The following CCDC83 variants were observed in gnomAD, a reference collection of about 807,000 sequenced individuals.
The protein encoded by CCDC83 is coiled-coil domain-containing protein 83.
Under a neutral mutation model 50.1 loss-of-function variants are expected in CCDC83, and 54 were observed. The ratio of observed to expected loss-of-function variants is 1.08; its 90% confidence interval spans 0.87 to 1.35. The LOEUF (loss-of-function observed/expected upper bound fraction) is 1.35. Among genes scored for constraint, CCDC83 ranks in the 40% most tolerant of loss-of-function variants. The pLI, the probability that CCDC83 is intolerant of heterozygous loss-of-function variation, is 0.00. For synonymous variants in CCDC83, 161 were observed against 153.3 expected, an observed-to-expected ratio of 1.05 and a Z score of -0.37; for missense variants, 518 against 473.9, an observed-to-expected ratio of 1.09 and a Z score of -0.86.
At chr11:85,880,327 A>C (rs11234458) in intron 3 of CCDC83, among the ~76,000 whole-genome samples, 32,133 of 151,944 alleles carry the variant, frequency 0.21, 3,776 homozygotes, top group Middle Eastern at 0.23. Flanking sequence ...CCTTCAGTCA[A>C]CCAGCCTTGA....
chr11:85,882,446 C>T (rs2093305407), intron 3 of CCDC83, 67 bp from the exon 4 acceptor site: 1 of 1,505,534 alleles, frequency 6.6e-7, no homozygotes, highest in Non-Finnish European at 9.0e-7. Flanking sequence ...AACTTCTTGA[C>T]TCTATTTTGA....
Position 85,900,061 on chromosome 11 carries a change from T to G in CCDC83, c.672+1046T>G, listed in dbSNP as rs186963052. ...TTGGATGAAACGAGAAGGTATTGCT[T>G]GGGCCAGACGTTACAAGAGAACTAC... On this transcript the variant is annotated intron_variant, in intron 7 of 10. Coordinates refer to ENST00000342404, the MANE Select transcript of CCDC83 (RefSeq NM_001286159.2). 2.3e-3 allele frequency among the ~76,000 whole-genome samples: 343 copies of G among 152,248 alleles called. 4 individuals carry two copies. The highest frequency in any genetic ancestry group is 0.02 in the Admixed American group (300 of 15,278).
At chr11:85,907,086 T>C (rs940976431) in intron 7 of CCDC83, among the ~76,000 whole-genome samples, 3 of 152,182 alleles carry the variant, frequency 2.0e-5, no homozygotes, top group African/African-American at 4.8e-5. Context: ...TATATGTTAA[T>C]TAATTTCTTT....
At chr11:85,883,954 G>A (rs1351119144) in intron 4 of CCDC83, among the ~76,000 whole-genome samples, 1 of 152,176 alleles carries the variant, frequency 6.6e-6, no homozygotes, top group Non-Finnish European at 1.5e-5. Context: ...TCATGACATG[G>A]TAGATAGTAT....
At chr11:85,867,105 G>A (rs1367502930) in intron 2 of CCDC83, among the ~76,000 whole-genome samples, 3 of 152,156 alleles carry the variant, frequency 2.0e-5, no homozygotes, top group Non-Finnish European at 4.4e-5. Context: ...ACCCAGGCTG[G>A]AGTGTAGTAG....
At chr11:85,907,199 G>A (rs895432201) in intron 7 of CCDC83, among the ~76,000 whole-genome samples, 1 of 152,062 alleles carries the variant, frequency 6.6e-6, no homozygotes, top group Admixed American at 6.6e-5. Context: ...AAATCACTGG[G>A]AAGGCTACAC....
intron 1 of CCDC83, among the ~76,000 whole-genome samples, chr11:85,855,811 C>G (rs1479059304): frequency 6.6e-6 from 1 of 152,222 alleles, no homozygotes; most frequent in Non-Finnish European, 1.5e-5. Context: ...TGGGACTAAG[C>G]TCGGTCTTGC....
intron 10 of CCDC83, among the ~76,000 whole-genome samples, chr11:85,917,130 A>AG (rs1565159796): frequency 1.4e-4 from 10 of 69,614 alleles, no homozygotes; most frequent in African/African-American, 7.0e-4. Context: ...AAAAAAGAAA[A>AG]AGAAAGAGAG....
At chr11:85,908,548 T>TGCTTA (rs1181834254) in intron 7 of CCDC83, among the ~76,000 whole-genome samples, 24 of 147,856 alleles carry the variant, frequency 1.6e-4, no homozygotes, top group African/African-American at 5.8e-4. Flanking sequence ...ATAGACTAGA[T>TGCTTA]GATTAGATAG....
intron 1 of CCDC83, among the ~76,000 whole-genome samples, chr11:85,858,081 C>G (rs1245190381): frequency 6.6e-6 from 1 of 152,216 alleles, no homozygotes. Flanking sequence ...GAAGAATGCA[C>G]ACCACATCAT....
At chr11:85,908,187 G>T (rs569250227) in intron 7 of CCDC83, among the ~76,000 whole-genome samples, 2 of 152,114 alleles carry the variant, frequency 1.3e-5, no homozygotes, top group African/African-American at 4.8e-5. Context: ...CTTTTCCATG[G>T]GACTGGTATT....
chr11:85,879,656 G>T (rs113941346), intron 3 of CCDC83, among the ~76,000 whole-genome samples: 2,478 of 150,266 alleles, frequency 0.016, 68 homozygotes, highest in African/African-American at 0.056. Context: ...ATTTTGCTTT[G>T]TTGCCCAAGC....
At chr11:85,897,852 T>G (rs190288336) in intron 6 of CCDC83, among the ~76,000 whole-genome samples, 1 of 152,302 alleles carries the variant, frequency 6.6e-6, no homozygotes, top group East Asian at 1.9e-4. Flanking sequence ...GGCAAATCTT[T>G]CAACTCTTAA....
intron 5 of CCDC83, among the ~76,000 whole-genome samples, chr11:85,893,664 T>C (rs886343370): frequency 1.3e-5 from 2 of 152,212 alleles, no homozygotes; most frequent in Non-Finnish European, 2.9e-5. Flanking sequence ...CATTACCGTC[T>C]GAGCTCCGCC....
In CCDC83 at chr11:85,886,300, T is replaced by C. The variant is rs2093326622; in HGVS notation, c.444T>C (p.His148=). 1.2e-6 allele frequency: 2 copies of C among 1,610,426 alleles called. No individual in the cohort carries two copies. The highest frequency in any genetic ancestry group is 2.2e-5 in the South Asian group (2 of 90,318). ...EEYKNVGSER[H]AKLITSLQND... is the part of the protein sequence containing the mutation. Reference sequence around the variant, plus strand: ...ACAAGAATGTAGGGAGTGAACGACATGCTAAACTCATTACCTCCTTACAAA... The same window carrying C: ...ACAAGAATGTAGGGAGTGAACGACACGCTAAACTCATTACCTCCTTACAAA... The change falls in exon 5 of 11, where the codon CAT becomes CAC. Residue 148 remains histidine (H), a synonymous_variant. Coordinates refer to ENST00000342404, the MANE Select transcript of CCDC83 (RefSeq NM_001286159.2).
chr11:85,865,890 T>C (rs187715694), intron 2 of CCDC83, among the ~76,000 whole-genome samples: 370 of 150,396 alleles, frequency 2.5e-3, no homozygotes, highest in Non-Finnish European at 4.4e-3. Context: ...TCCATTGAGG[T>C]TCCATCTCGA....
chr11:85,909,179 T>C (rs143135706), intron 7 of CCDC83, among the ~76,000 whole-genome samples: 3,146 of 152,336 alleles, frequency 0.021, 48 homozygotes, highest in Middle Eastern at 0.058. Flanking sequence ...GATAGAGATA[T>C]GCATGTGGTA....
At chr11:85,875,088 C>G (rs1490228046) in intron 3 of CCDC83, among the ~76,000 whole-genome samples, 1 of 152,178 alleles carries the variant, frequency 6.6e-6, no homozygotes, top group African/African-American at 2.4e-5. Context: ...TCCCCCTACC[C>G]AAAGGCAGGA....
At chr11:85,913,494 A>G (rs2135144270) in intron 8 of CCDC83, among the ~76,000 whole-genome samples, 1 of 152,342 alleles carries the variant, frequency 6.6e-6, no homozygotes, top group South Asian at 2.1e-4. Context: ...TATTACACAT[A>G]TTATATCTTT....
Sources: allele counts gnomAD v4.1 joint callset (sites outside exome capture counted in the v4.1 genomes callset), GRCh38; gene constraint gnomAD v4.1.1; transcripts MANE v1.5; gene names NCBI Gene and HGNC (gene_info 2026-07-23, HGNC 2026-07-21).